The following ARMC3 variants were observed in gnomAD, a reference collection of about 807,000 sequenced individuals.
ARMC3 encodes armadillo repeat containing 3.
Under a neutral mutation model 90.3 loss-of-function variants are expected in ARMC3, and 74 were observed. That is an observed-to-expected ratio of 0.82 (90% CI 0.68 to 0.99). The LOEUF (loss-of-function observed/expected upper bound fraction) is 0.99, where lower values mean the gene tolerates loss of function less well. Ranked by LOEUF, ARMC3 falls within the 50% of genes least tolerant of loss-of-function variation. ARMC3 has a pLI of 0.00. For synonymous variants in ARMC3, 334 were observed against 361.8 expected, an observed-to-expected ratio of 0.92 and a Z score of 0.87; for missense variants, 958 against 1,042.8, an observed-to-expected ratio of 0.92 and a Z score of 1.12.
At chr10:23,010,749 C>T (rs1258184132) in intron 16 of ARMC3, among the ~76,000 whole-genome samples, 3 of 92,132 alleles carry the variant, frequency 3.3e-5, no homozygotes, top group Admixed American at 1.1e-4. Flanking sequence ...TCCCCCTCCC[C>T]ACTCCTTCTC....
chr10:22,993,189 G>A (rs1192543429), intron 10 of ARMC3, among the ~76,000 whole-genome samples: 2 of 152,176 alleles, frequency 1.3e-5, no homozygotes, highest in East Asian at 1.9e-4. Context: ...GGTTGAATGT[G>A]AACCTCAAAT....
At chr10:23,007,246 C>G (rs1379653639) in intron 14 of ARMC3, among the ~76,000 whole-genome samples, 1 of 152,168 alleles carries the variant, frequency 6.6e-6, no homozygotes, top group Non-Finnish European at 1.5e-5. Context: ...GAAGTCAAGG[C>G]CTCTTACCAT....
intron 16 of ARMC3, among the ~76,000 whole-genome samples, chr10:23,029,427 G>A (rs1838833507): frequency 6.6e-6 from 1 of 152,166 alleles, no homozygotes; most frequent in South Asian, 2.1e-4. Context: ...CAATGGGACA[G>A]ACAGGGTGAA....
intron 10 of ARMC3, among the ~76,000 whole-genome samples, chr10:22,987,655 A>AT (rs1836512985): frequency 6.6e-6 from 1 of 152,240 alleles, no homozygotes; most frequent in African/African-American, 2.4e-5. Flanking sequence ...ATGCATGATC[A>AT]TAAGTCCCTT....
At position 22,971,581 on chromosome 10, in the gene ARMC3, C is replaced by T. The variant is rs140505114; in HGVS notation, c.916+3092C>T. On this transcript the variant is annotated intron_variant, in intron 8 of 18. Coordinates refer to ENST00000298032, the MANE Select transcript of ARMC3 (RefSeq NM_173081.5). The stretch of plus-strand genomic sequence containing the variant: ...TCAGCCTCCTGAGTAGCTGGGACTA[C>T]AGGCACGCACCACCACACCCAGCTA... 5.5e-4 allele frequency among the ~76,000 whole-genome samples: 84 copies of T among 151,832 alleles called. No individual in the cohort carries two copies. In the East Asian group the frequency reaches 0.015, roughly 27 times the overall value.
chr10:23,026,644 T>A (rs1158571095), intron 16 of ARMC3, among the ~76,000 whole-genome samples: 1 of 152,124 alleles, frequency 6.6e-6, no homozygotes, highest in Non-Finnish European at 1.5e-5. Context: ...ACAGATCACA[T>A]CATACTTAAT....
rs183824268 is a variant in ARMC3, at chr10:22,963,718, C to T, written c.732+1640C>T. 7.3e-5 allele frequency among the ~76,000 whole-genome samples: 11 copies of T among 151,650 alleles called. No homozygotes were observed. In the East Asian group the frequency reaches 1.6e-3, roughly 21 times the overall value. On this transcript the variant is annotated intron_variant, in intron 7 of 18. Transcript: ENST00000298032. ...CGTCTTGCCCAACATGGTGAAACCC[C>T]GTCTCTACTAAAAATACAAAAATTA...
intron 1 of ARMC3, among the ~76,000 whole-genome samples, chr10:22,929,330 GGAAAGGAAAGGAAAA>G (rs1477811885): frequency 2.1e-5 from 3 of 140,218 alleles, no homozygotes; most frequent in Admixed American, 1.6e-4. Flanking sequence ...GGAAAGGAAA[GGAAAGGAAAGGAAAA>G]GAAAAGAAAT....
Position 23,032,922 on chromosome 10 carries a change from G to A in ARMC3, c.2308G>A (p.Glu770Lys). The A allele has an allele frequency of 1.2e-6, 2 of 1,613,006 alleles. No individual in the cohort carries two copies. The highest frequency in any genetic ancestry group is 2.2e-5 in the South Asian group (2 of 91,026). The stretch of plus-strand genomic sequence containing the variant: ...AGAGAAACTACCTGATTTCAGCTGG[G>A]AACTTCACATAAGTGAACTGAAATT... ...PKEKLPDFSW[E>K]LHISELKFQL... is the part of the protein sequence containing the mutation. The change falls in exon 18 of 19, where the codon GAA becomes AAA. Residue 770 changes from glutamate to lysine, a missense_variant. Transcript: ENST00000298032.
intron 2 of ARMC3, among the ~76,000 whole-genome samples, chr10:22,941,895 C>G (rs1834341541): frequency 6.6e-6 from 1 of 152,128 alleles, no homozygotes; most frequent in Non-Finnish European, 1.5e-5. Flanking sequence ...TGCAGTGAGG[C>G]CCTCTCAATT....
At chr10:23,036,801 C>G (rs982310500) in intron 18 of ARMC3, among the ~76,000 whole-genome samples, 3 of 152,202 alleles carry the variant, frequency 2.0e-5, no homozygotes, top group African/African-American at 7.2e-5. Context: ...AGCAAGGAGC[C>G]CTAGGACCAG....
chr10:23,008,076 C>G (rs1837713497), intron 14 of ARMC3, among the ~76,000 whole-genome samples, 200 bp from the exon 15 acceptor site: 1 of 152,140 alleles, frequency 6.6e-6, no homozygotes, highest in South Asian at 2.1e-4. Context: ...TGCACTCCAG[C>G]CTGGGCGATA....
At position 22,959,460 on chromosome 10, in the gene ARMC3, C is replaced by A. The variant is rs758821622; in HGVS notation, c.423C>A (p.Thr141=). ...LCLANMSAEY[T]SKVQIFEHGG... Reference sequence around the variant, plus strand: ...TAGCAAACATGTCTGCAGAGTACACCAGTAAAGTGCAAATATTTGAACATG... The same window carrying A: ...TAGCAAACATGTCTGCAGAGTACACAAGTAAAGTGCAAATATTTGAACATG... Residue 141 remains threonine (T), a synonymous_variant, in exon 6 of 19, where the codon ACC becomes ACA. Coordinates refer to ENST00000298032, the MANE Select transcript of ARMC3 (RefSeq NM_173081.5). The A allele has an allele frequency of 1.2e-6, 2 of 1,613,812 alleles. No individual in the cohort carries two copies. Among genetic ancestry groups the A allele is most frequent in the South Asian group, 2.2e-5 (2 of 91,048 alleles).
intron 8 of ARMC3, among the ~76,000 whole-genome samples, chr10:22,979,661 ACT>A (rs1214199540): frequency 6.6e-6 from 1 of 152,132 alleles, no homozygotes; most frequent in East Asian, 1.9e-4. Flanking sequence ...TAGGTCAGAG[ACT>A]CTGGAAAAGT....
intron 4 of ARMC3, 84 bp from the exon 5 acceptor site, chr10:22,958,985 AG>A: frequency 8.9e-7 from 1 of 1,118,414 alleles, no homozygotes. Flanking sequence ...AGCCTTTCAA[AG>A]TGCTGGGATT....
chr10:22,940,685 T>TATG (rs777248305), intron 2 of ARMC3, among the ~76,000 whole-genome samples: 1 of 152,108 alleles, frequency 6.6e-6, no homozygotes, highest in Admixed American at 6.6e-5. Context: ...AGGGTCTCAC[T>TATG]ATGTTGCCCA....
At chr10:22,979,996 C>T (rs750391573) in intron 8 of ARMC3, among the ~76,000 whole-genome samples, 18 of 151,998 alleles carry the variant, frequency 1.2e-4, no homozygotes, top group Non-Finnish European at 1.5e-4. Context: ...GCCATCTAAA[C>T]GTGATACTGC....
At chr10:23,010,869 C>T (rs1300784695) in intron 16 of ARMC3, among the ~76,000 whole-genome samples, 8 of 78,784 alleles carry the variant, frequency 1.0e-4, no homozygotes, top group East Asian at 3.7e-4. Flanking sequence ...CCTTGCCTCT[C>T]CTCTCCTTCC....
At chr10:22,984,788 T>G (rs2131351232) in intron 10 of ARMC3, among the ~76,000 whole-genome samples, 1 of 152,282 alleles carries the variant, frequency 6.6e-6, no homozygotes, top group African/African-American at 2.4e-5. Flanking sequence ...TAGTGGATTT[T>G]TAAAAATTTA....
Sources: gnomAD v4.1 joint callset for allele counts (sites outside exome capture counted in the v4.1 genomes callset) on GRCh38, gnomAD v4.1.1 for gene constraint, MANE v1.5 for transcripts, NCBI Gene and HGNC (gene_info 2026-07-23, HGNC 2026-07-21) for gene names.